CTNNA3: variants seen among roughly 807,000 people sequenced by gnomAD.
CTNNA3 encodes catenin alpha 3, also known as catenin alpha-3.
CTNNA3 carries 76 observed loss-of-function variants against 95.7 expected under a neutral mutation model. The ratio of observed to expected loss-of-function variants is 0.79; its 90% CI spans 0.66 to 0.96. CTNNA3 has a LOEUF of 0.96. Ranked by LOEUF, CTNNA3 falls within the 40% of genes least tolerant of loss-of-function variation. CTNNA3 has a pLI of 0.00. For missense variants in CTNNA3, 1,191 were observed against 1,089.8 expected (o/e 1.09, Z -1.31); for synonymous variants, 431 against 374.4 (o/e 1.15, Z -1.74).
Position 66,819,092 on chromosome 10 carries a change from T to TAA in CTNNA3, c.1048-43570_1048-43569dup, listed in dbSNP as rs35494489. On this transcript the variant is annotated intron_variant, in intron 7 of 17. Transcript: ENST00000433211. Reference sequence around the variant, plus strand: ...GGGCAACAGAGGGAAACTCTTGTCTTAAAAAAAAAAAAAAAAAAAAAAAGG... The same window carrying TAA: ...GGGCAACAGAGGGAAACTCTTGTCTTAAAAAAAAAAAAAAAAAAAAAAAAAGG... Among the ~76,000 whole-genome samples, 489 of 110,628 alleles carry TAA rather than the reference T, an allele frequency of 4.4e-3. 6 individuals are homozygous for TAA. The highest frequency in any genetic ancestry group is 0.017 in the African/African-American group (454 of 27,302). The allele number at this position is 110,628 out of a possible 152,430, so 72.6% of individuals were successfully genotyped here. A position where few individuals can be genotyped will look rare whatever the true frequency, so the allele number is the denominator to read the frequency against.
At chr10:66,161,350 A>G (rs1311998747) in intron 13 of CTNNA3, among the ~76,000 whole-genome samples, 1 of 152,148 alleles carries the variant, frequency 6.6e-6, no homozygotes, top group Non-Finnish European at 1.5e-5. Context: ...CATTTGTTTC[A>G]AGACTTAGAG....
intron 15 of CTNNA3, among the ~76,000 whole-genome samples, chr10:66,018,047 A>G (rs2079128438): frequency 1.3e-5 from 2 of 152,066 alleles, no homozygotes; most frequent in African/African-American, 4.8e-5. Flanking sequence ...GGTCCTATAG[A>G]GGTCTCCTCA....
chr10:67,725,203 G>A (rs1841202415), intron 1 of CTNNA3, among the ~76,000 whole-genome samples: 1 of 148,972 alleles, frequency 6.7e-6, no homozygotes, highest in African/African-American at 2.5e-5. Flanking sequence ...TGAGACGGGA[G>A]TCTCGCTCTG....
chr10:65,977,793 T>TAATAAATA (rs545915549), intron 16 of CTNNA3, among the ~76,000 whole-genome samples: 14 of 151,572 alleles, frequency 9.2e-5, no homozygotes, highest in Admixed American at 3.3e-4. Flanking sequence ...ATTAAAAAAA[T>TAATAAATA]AATAAATAAA....
intron 7 of CTNNA3, among the ~76,000 whole-genome samples, chr10:66,890,683 T>C (rs17231504): frequency 0.069 from 10,447 of 152,160 alleles, 428 homozygotes; most frequent in Middle Eastern, 0.099. Flanking sequence ...AAGGTTAGTA[T>C]AGAAAGAACG....
At chr10:66,292,270 T>A (rs1274443343) in intron 12 of CTNNA3, among the ~76,000 whole-genome samples, 1 of 152,120 alleles carries the variant, frequency 6.6e-6, no homozygotes, top group Non-Finnish European at 1.5e-5. Flanking sequence ...TTCTGGCACA[T>A]AGTAGATGCT....
chr10:66,157,588 G>T (rs1343360074), intron 13 of CTNNA3, among the ~76,000 whole-genome samples: 4 of 151,960 alleles, frequency 2.6e-5, no homozygotes, highest in Non-Finnish European at 4.4e-5. Context: ...ATTTGTGTTG[G>T]TTCCACAATT....
intron 4 of CTNNA3, among the ~76,000 whole-genome samples, chr10:67,533,408 A>G (rs1840395085): frequency 2.0e-5 from 3 of 152,212 alleles, no homozygotes; most frequent in Non-Finnish European, 1.5e-5. Flanking sequence ...AGTCTGAAAC[A>G]CTTGAACAGT....
intron 13 of CTNNA3, among the ~76,000 whole-genome samples, chr10:66,114,731 T>C (rs11818566): frequency 0.1 from 15,296 of 150,802 alleles, 982 homozygotes; most frequent in African/African-American, 0.18. Context: ...ATACAAAAAT[T>C]AGTTGGGCGT....
chr10:66,966,957 A>G (rs1849453618), intron 7 of CTNNA3, among the ~76,000 whole-genome samples: 1 of 152,000 alleles, frequency 6.6e-6, no homozygotes, highest in East Asian at 1.9e-4. Flanking sequence ...AATTTTTTGT[A>G]TTTGGATATC....
rs1174361427 is a variant in CTNNA3, at chr10:67,301,975, A to AAAAG, written c.580-82109_580-82106dup. On this transcript the variant is annotated intron_variant, in intron 5 of 17. Coordinates refer to ENST00000433211, the MANE Select transcript of CTNNA3 (RefSeq NM_013266.4). Reference sequence around the variant, plus strand: ...CAGAGCGAGACTCGTCAAGAAAGAAAAAAGAAAGAAAGAAAGAACGAAAGA... The same window carrying AAAAG: ...CAGAGCGAGACTCGTCAAGAAAGAAAAAAGAAAGAAAGAAAGAAAGAACGAAAGA... 3.4e-5 allele frequency among the ~76,000 whole-genome samples: 4 copies of AAAAG among 118,588 alleles called. 1 individual carries two copies. Among genetic ancestry groups the AAAAG allele is most frequent in the African/African-American group, 9.3e-5 (2 of 21,468 alleles). The allele number at this position is 118,588 out of a possible 152,430, so 77.8% of individuals were successfully genotyped here.
intron 2 of CTNNA3, among the ~76,000 whole-genome samples, chr10:67,639,258 G>A (rs1482863929): frequency 6.6e-6 from 1 of 152,164 alleles, no homozygotes; most frequent in African/African-American, 2.4e-5. Flanking sequence ...AAATCTCAAA[G>A]AAATGGATAA....
rs537868406 is a variant in CTNNA3 at position 66,872,081 on chromosome 10, G to A, written c.1048-96557C>T. Among the ~76,000 whole-genome samples the A allele has an allele frequency of 1.5e-3, 234 of 152,182 alleles. 1 individual carries two copies. The highest frequency in any genetic ancestry group is 5.0e-3 in the African/African-American group (209 of 41,528). On this transcript the variant is annotated intron_variant, in intron 7 of 17. Transcript: ENST00000433211. ...AGGTGATTTTATAACAAAACCCTCC[G>A]TAACATACTTTTAAAATGTCTATCC...
At chr10:67,085,186 T>A (rs1857232912) in intron 7 of CTNNA3, among the ~76,000 whole-genome samples, 1 of 151,986 alleles carries the variant, frequency 6.6e-6, no homozygotes, top group African/African-American at 2.4e-5. Flanking sequence ...ACATTTTTTA[T>A]GTAGTTTATT....
intron 13 of CTNNA3, among the ~76,000 whole-genome samples, chr10:66,187,939 A>G (rs1353417416): frequency 2.0e-5 from 3 of 152,172 alleles, no homozygotes; most frequent in African/African-American, 7.2e-5. Context: ...CATACATTGG[A>G]CTTACTAAAT....
intron 13 of CTNNA3, among the ~76,000 whole-genome samples, chr10:66,220,867 T>A (rs2088889466): frequency 6.6e-6 from 1 of 152,100 alleles, no homozygotes; most frequent in Non-Finnish European, 1.5e-5. Flanking sequence ...AGCCTGGGAT[T>A]TTTATAGGTA....
At chr10:66,501,880 T>C (rs1301606602) in intron 11 of CTNNA3, among the ~76,000 whole-genome samples, 1 of 151,908 alleles carries the variant, frequency 6.6e-6, no homozygotes, top group Non-Finnish European at 1.5e-5. Context: ...AAAAGAAAAA[T>C]AGTAAAAACC....
At chr10:67,501,093 T>C (rs1015625158) in intron 5 of CTNNA3, among the ~76,000 whole-genome samples, 19 of 152,242 alleles carry the variant, frequency 1.2e-4, no homozygotes, top group South Asian at 4.1e-4. Context: ...GTTTTTGCAG[T>C]GGCTGGTACC....
At chr10:65,932,974 C>A (rs1747605958) in intron 17 of CTNNA3, among the ~76,000 whole-genome samples, 1 of 152,092 alleles carries the variant, frequency 6.6e-6, no homozygotes, top group Non-Finnish European at 1.5e-5. Flanking sequence ...GCTTGAATTT[C>A]TGGGCAATCC....
Sources: gnomAD v4.1 joint callset for allele counts (sites outside exome capture counted in the v4.1 genomes callset) on GRCh38, gnomAD v4.1.1 for gene constraint, MANE v1.5 for transcripts, NCBI Gene and HGNC (gene_info 2026-07-23, HGNC 2026-07-21) for gene names.